Variants in RHOBTB1 observed in about 807,000 individuals in gnomAD.
The protein encoded by RHOBTB1 is Rho related BTB domain containing 1.
Under a neutral mutation model 71.6 loss-of-function variants are expected in RHOBTB1, and 40 were observed. That is an observed-to-expected ratio of 0.56 (90% CI 0.43 to 0.73). The LOEUF (loss-of-function observed/expected upper bound fraction) is 0.73, where lower values mean the gene tolerates loss of function less well. Ranked by LOEUF, RHOBTB1 falls within the 30% of genes least tolerant of loss-of-function variation. The pLI is 0.00. For synonymous variants in RHOBTB1, 319 were observed against 334.9 expected (o/e 0.95, Z 0.52); for missense variants, 797 against 894.0 (o/e 0.89, Z 1.38).
chr10:60,941,515 C>T (rs550974964), intron 2 of RHOBTB1, among the ~76,000 whole-genome samples: 2 of 152,172 alleles, frequency 1.3e-5, no homozygotes, highest in African/African-American at 4.8e-5. Context: ...GCATCCAGAT[C>T]CCCAGTATTC....
chr10:60,934,474 A>G (rs983969166), intron 2 of RHOBTB1, among the ~76,000 whole-genome samples: 1 of 152,198 alleles, frequency 6.6e-6, no homozygotes, highest in Non-Finnish European at 1.5e-5. Flanking sequence ...CCATGGGAAA[A>G]CATTCTCTAA....
At chr10:60,972,993 C>T (rs1194354417) in intron 2 of RHOBTB1, among the ~76,000 whole-genome samples, 1 of 151,964 alleles carries the variant, frequency 6.6e-6, no homozygotes, top group African/African-American at 2.4e-5. Context: ...TTCATGAATC[C>T]TTAAACCGTG....
chr10:60,888,865 A>G lies in RHOBTB1; in HGVS notation c.803T>C (p.Val268Ala), dbSNP rs2081753542. The G allele has an allele frequency of 1.9e-6, 3 of 1,614,104 alleles. No individual in the cohort carries two copies. Among genetic ancestry groups the G allele is most frequent in the African/African-American group, 1.3e-5 (1 of 74,934 alleles). ...CLLDNPLCADVLFILQDQEHI... is the reference protein window; with the variant it reads ...CLLDNPLCADALFILQDQEHI... ...TTCCTGGTCCTGAAGGATGAACAGA[A>G]CATCGGCACATAGAGGATTGTCCAG... Residue 268 changes from valine to alanine, a missense_variant, in exon 6 of 11, where the codon GTT becomes GCT. Transcript: ENST00000337910.
At chr10:60,911,682 T>G in intron 2 of RHOBTB1, 130 bp from the exon 3 acceptor site, 2 of 734,658 alleles carry the variant, frequency 2.7e-6, no homozygotes, top group Non-Finnish European at 4.6e-6. Flanking sequence ...CAGGAAAGAA[T>G]GTTTGGAAGT....
At chr10:60,902,344 T>A (rs1025901386) in intron 4 of RHOBTB1, among the ~76,000 whole-genome samples, 2 of 152,226 alleles carry the variant, frequency 1.3e-5, no homozygotes, top group African/African-American at 4.8e-5. Context: ...TTGTTTTGGA[T>A]GATCACATAA....
chr10:60,985,145 T>G (rs1441140034), intron 2 of RHOBTB1, among the ~76,000 whole-genome samples: 1 of 152,228 alleles, frequency 6.6e-6, no homozygotes, highest in African/African-American at 2.4e-5. Context: ...GTTTTCCTTT[T>G]AAATATGCAT....
chr10:60,984,636 G>A (rs1397022792), intron 2 of RHOBTB1, among the ~76,000 whole-genome samples: 2 of 152,138 alleles, frequency 1.3e-5, no homozygotes, highest in African/African-American at 2.4e-5. Context: ...ACCCATATGA[G>A]AGAAGGATCA....
intron 4 of RHOBTB1, among the ~76,000 whole-genome samples, chr10:60,905,570 A>G (rs1228733948): frequency 1.3e-5 from 2 of 149,892 alleles, no homozygotes; most frequent in Admixed American, 1.3e-4. Context: ...TCTGAGGCAG[A>G]AGGGAAAAAA....
chr10:60,898,973 A>C lies in RHOBTB1; in HGVS notation c.297-5978T>G, dbSNP rs369662146. ...AAAAACCGCAATTACGTTTGCACCAACCTAATACTTGAGTCTTAGAAATGG... is the reference window on the plus strand; with the variant it reads ...AAAAACCGCAATTACGTTTGCACCACCCTAATACTTGAGTCTTAGAAATGG... On this transcript the variant is annotated intron_variant, in intron 4 of 10. Transcript: ENST00000337910. 5.2e-3 allele frequency among the ~76,000 whole-genome samples: 799 copies of C among 152,330 alleles called. 3 individuals are homozygous for C. The highest frequency in any genetic ancestry group is 0.018 in the African/African-American group (764 of 41,574).
At chr10:60,974,389 CTTTG>C (rs1228578231) in intron 2 of RHOBTB1, among the ~76,000 whole-genome samples, 3 of 151,946 alleles carry the variant, frequency 2.0e-5, no homozygotes, top group Non-Finnish European at 4.4e-5. Flanking sequence ...TATAGTTTCT[CTTTG>C]TTTTTCAAAT....
chr10:60,920,906 C>A (rs2083521828), intron 2 of RHOBTB1, among the ~76,000 whole-genome samples: 1 of 151,518 alleles, frequency 6.6e-6, no homozygotes, highest in Non-Finnish European at 1.5e-5. Flanking sequence ...ATCCTCCCAC[C>A]TTGGCCTCCC....
At chr10:60,934,418 A>C (rs1408640844) in intron 2 of RHOBTB1, among the ~76,000 whole-genome samples, 1 of 152,188 alleles carries the variant, frequency 6.6e-6, no homozygotes, top group Non-Finnish European at 1.5e-5. Context: ...AGCATAGAAC[A>C]ATGCAACAAG....
chr10:60,938,286 A>T (rs555891486), intron 2 of RHOBTB1, among the ~76,000 whole-genome samples: 1 of 152,188 alleles, frequency 6.6e-6, no homozygotes, highest in African/African-American at 2.4e-5. Context: ...GTTGTATTTC[A>T]GGCTACATTG....
At chr10:60,988,212 G>C (rs1259592663) in intron 1 of RHOBTB1, among the ~76,000 whole-genome samples, 1 of 152,008 alleles carries the variant, frequency 6.6e-6, no homozygotes, top group Non-Finnish European at 1.5e-5. Flanking sequence ...GGGATTGCAG[G>C]CGTGAGCCAT....
chr10:60,979,337 G>A lies in RHOBTB1; in HGVS notation c.-62+6508C>T, dbSNP rs534250550. ...CCAATAGGAAAAATAATAAGGAAAG[G>A]AATATGGCTAAAATGCAAACTTACC... On this transcript the variant is annotated intron_variant, in intron 2 of 11. Coordinates refer to the RHOBTB1 transcript ENST00000357917. Among the ~76,000 whole-genome samples the A allele has an allele frequency of 4.3e-3, 647 of 152,100 alleles. 2 individuals are homozygous for A. The highest frequency in any genetic ancestry group is 7.1e-3 in the Non-Finnish European group (484 of 67,982).
At position 60,888,855 on chromosome 10, in the gene RHOBTB1, G is replaced by C; in HGVS notation, c.813C>G (p.Ile271Met). 6 of 1,614,216 alleles carry C rather than the reference G, an allele frequency of 3.7e-6. No homozygotes were observed. Among genetic ancestry groups the C allele is most frequent in the Non-Finnish European group, 5.1e-6 (6 of 1,180,030 alleles). ...DNPLCADVLF[I>M]LQDQEHIFAH... Reference sequence around the variant, plus strand: ...CAAAGATGTGTTCCTGGTCCTGAAGGATGAACAGAACATCGGCACATAGAG... The same window carrying C: ...CAAAGATGTGTTCCTGGTCCTGAAGCATGAACAGAACATCGGCACATAGAG... The change falls in exon 6 of 11, where the codon ATC (isoleucine) becomes ATG (methionine). Residue 271 changes from isoleucine (I) to methionine (M), a missense_variant. Physicochemically the swap from Ile to Met is conservative, Grantham distance 10. This residue lies in a region of RHOBTB1 where 658 missense variants were observed against 681.5 expected (regional missense o/e 0.97). Transcript: ENST00000337910.
chr10:60,971,631 A>G (rs943605420), intron 2 of RHOBTB1, among the ~76,000 whole-genome samples: 5 of 152,210 alleles, frequency 3.3e-5, no homozygotes, highest in African/African-American at 1.2e-4. Flanking sequence ...GAACACAGGC[A>G]TGGGCAAAGA....
At chr10:60,965,121 G>A (rs1361954009) in intron 2 of RHOBTB1, among the ~76,000 whole-genome samples, 1 of 152,044 alleles carries the variant, frequency 6.6e-6, no homozygotes, top group Non-Finnish European at 1.5e-5. Context: ...CAGATAGTAT[G>A]TTAGGGGTTG....
At chr10:60,985,179 A>C (rs943737713) in intron 2 of RHOBTB1, among the ~76,000 whole-genome samples, 1 of 152,158 alleles carries the variant, frequency 6.6e-6, no homozygotes, top group African/African-American at 2.4e-5. Flanking sequence ...CATATGAAGA[A>C]AAATAAAATA....
Sources: gnomAD v4.1 joint callset for allele counts (sites outside exome capture counted in the v4.1 genomes callset) on GRCh38, gnomAD v4.1.1 for gene constraint, gnomAD v4.1.1 regional missense constraint, MANE v1.5 for transcripts, NCBI Gene and HGNC (gene_info 2026-07-23, HGNC 2026-07-21) for gene names.